Variants in AMOTL1 observed in about 807,000 individuals in gnomAD.
AMOTL1 encodes angiomotin-like protein 1.
Under a neutral mutation model 102.9 loss-of-function variants are expected in AMOTL1, and 45 were observed. The observed-to-expected ratio is 0.44, with a 90% CI of 0.34 to 0.56. The LOEUF (loss-of-function observed/expected upper bound fraction) is 0.56. Among genes scored for constraint, AMOTL1 ranks in the 20% least tolerant of loss-of-function variants. The probability of loss-of-function intolerance (pLI) is 0.01; values close to 1 mark genes in which losing one functional copy is unlikely to be tolerated. For missense variants in AMOTL1, 1,114 were observed against 1,225.6 expected, an observed-to-expected ratio of 0.91 and a Z score of 1.36; for synonymous variants, 481 against 484.7, an observed-to-expected ratio of 0.99 and a Z score of 0.10.
intron 1 of AMOTL1, among the ~76,000 whole-genome samples, chr11:94,788,297 T>C (rs1196904219): frequency 6.6e-6 from 1 of 152,244 alleles, no homozygotes; most frequent in Non-Finnish European, 1.5e-5. Context: ...AGCTCTAACA[T>C]GTTAGGAAAA....
chr11:94,768,322 C>A, upstream of AMOTL1: 1 of 1,373,204 alleles, frequency 7.3e-7, no homozygotes, highest in Middle Eastern at 2.5e-4. Context: ...CCCCGGCCCG[C>A]GCGCGGGGAG....
intron 3 of AMOTL1, among the ~76,000 whole-genome samples, chr11:94,752,560 T>C (rs966141107): frequency 6.6e-6 from 1 of 152,226 alleles, no homozygotes; most frequent in Non-Finnish European, 1.5e-5. Flanking sequence ...CAAATATGTA[T>C]AAACATTTAT....
chr11:94,801,856 G>A (rs1951484133), intron 3 of AMOTL1, among the ~76,000 whole-genome samples: 1 of 152,174 alleles, frequency 6.6e-6, no homozygotes, highest in Admixed American at 6.5e-5. Flanking sequence ...GAACAGAAAA[G>A]ACATGTGGCC....
intron 6 of AMOTL1, among the ~76,000 whole-genome samples, chr11:94,847,884 A>G (rs1952450505): frequency 6.6e-6 from 1 of 152,172 alleles, no homozygotes; most frequent in African/African-American, 2.4e-5. Context: ...TGTGGCTTCT[A>G]TTCTTGAGCT....
At chr11:94,820,145 C>T (rs1036534795) in intron 3 of AMOTL1, among the ~76,000 whole-genome samples, 1 of 152,024 alleles carries the variant, frequency 6.6e-6, no homozygotes, top group Non-Finnish European at 1.5e-5. Context: ...GTGTAGAGCC[C>T]AAAATCTAGG....
chr11:94,770,556 A>G (rs1012929270), intron 1 of AMOTL1, among the ~76,000 whole-genome samples: 1 of 152,158 alleles, frequency 6.6e-6, no homozygotes, highest in African/African-American at 2.4e-5. Flanking sequence ...GTAAACCTGC[A>G]GGTGGATAGG....
chr11:94,769,300 T>G (rs1286048559), intron 1 of AMOTL1, among the ~76,000 whole-genome samples: 1 of 152,184 alleles, frequency 6.6e-6, no homozygotes, highest in East Asian at 1.9e-4. Context: ...GGGAGAGTGG[T>G]ACGTTGGCCG....
chr11:94,796,977 C>T (rs575518518), intron 2 of AMOTL1: 16 of 985,182 alleles, frequency 1.6e-5, no homozygotes, highest in Middle Eastern at 5.2e-4. Flanking sequence ...CTGAGAAAAA[C>T]GAGCGTGGCA....
At chr11:94,868,405 G>A (rs991675802) in intron 11 of AMOTL1, among the ~76,000 whole-genome samples, 2 of 152,120 alleles carry the variant, frequency 1.3e-5, no homozygotes, top group African/African-American at 2.4e-5. Flanking sequence ...TTCCAGGAAG[G>A]CTCTGAGGAA....
At chr11:94,803,502 A>G (rs184626494) in intron 3 of AMOTL1, among the ~76,000 whole-genome samples, 1 of 152,296 alleles carries the variant, frequency 6.6e-6, no homozygotes, top group East Asian at 1.9e-4. Context: ...CTCTTGTTCT[A>G]CTATACTTTT....
At chr11:94,826,689 G>A (rs889080406) in intron 4 of AMOTL1, among the ~76,000 whole-genome samples, 8 of 152,150 alleles carry the variant, frequency 5.3e-5, no homozygotes, top group Non-Finnish European at 1.2e-4. Flanking sequence ...ATTCACAAGG[G>A]ACCCGCCCCC....
At chr11:94,782,521 A>G (rs917230324) in intron 1 of AMOTL1, among the ~76,000 whole-genome samples, 1 of 152,222 alleles carries the variant, frequency 6.6e-6, no homozygotes, top group African/African-American at 2.4e-5. Context: ...TGTTACATTC[A>G]TATGTAAAAA....
At chr11:94,731,274 A>G (rs1373653462) in intron 2 of AMOTL1, among the ~76,000 whole-genome samples, 1 of 152,216 alleles carries the variant, frequency 6.6e-6, no homozygotes, top group Non-Finnish European at 1.5e-5. Flanking sequence ...GAAGGCATCC[A>G]AGACAAAGCA....
At chr11:94,780,192 C>T (rs1377700899) in intron 1 of AMOTL1, among the ~76,000 whole-genome samples, 2 of 152,208 alleles carry the variant, frequency 1.3e-5, no homozygotes, top group South Asian at 2.1e-4. Context: ...CTCCCTCCCT[C>T]AGTAACTACC....
chr11:94,839,093 A>G (rs528642000), intron 6 of AMOTL1, among the ~76,000 whole-genome samples: 1 of 152,352 alleles, frequency 6.6e-6, no homozygotes, highest in African/African-American at 2.4e-5. Flanking sequence ...CTTCAGAACC[A>G]GAGCCCAGTA....
At position 94,859,428 on chromosome 11, in the gene AMOTL1, T is replaced by C. The variant is rs1309022822; in HGVS notation, c.1945-97T>C. 31 of 1,212,036 alleles carry C rather than the reference T, an allele frequency of 2.6e-5. 1 individual carries two copies. In the East Asian group the frequency reaches 6.7e-4, roughly 26 times the overall value. The allele number at this position is 1,212,036 out of a possible 1,614,324, so 75.1% of individuals were successfully genotyped here. A position where few individuals can be genotyped will look rare whatever the true frequency, so the allele number is the denominator to read the frequency against. ...TGAAGTAGCATGGTGTGTGAATTGC[T>C]GCAGGATCTGGGGAACCTCATGTGT... On this transcript the variant is annotated intron_variant, in intron 8 of 12. Transcript: ENST00000433060.
intron 6 of AMOTL1, among the ~76,000 whole-genome samples, chr11:94,836,258 TAGGA>T (rs1337540882): frequency 6.6e-6 from 1 of 152,210 alleles, no homozygotes; most frequent in African/African-American, 2.4e-5. Flanking sequence ...CAAGCATCAT[TAGGA>T]AGGAAGGCTA....
chr11:94,850,935 T>A (rs908872679), intron 7 of AMOTL1, among the ~76,000 whole-genome samples: 7 of 152,158 alleles, frequency 4.6e-5, no homozygotes, highest in African/African-American at 1.7e-4. Flanking sequence ...TTGTTGAATT[T>A]AAAAAAACTG....
In AMOTL1 at chr11:94,876,036, C is replaced by T. The variant is rs1208207271; in HGVS notation, c.*5241C>T. ...GCTTCTTCACAGAATTAGAATACTG[C>T]TCTCTCTATATTGAACTACATATAC... On this transcript the variant is annotated 3_prime_UTR_variant, in exon 13 of 13. Coordinates refer to ENST00000433060, the MANE Select transcript of AMOTL1 (RefSeq NM_130847.3). 1 of 152,620 alleles carries T rather than the reference C, an allele frequency of 6.6e-6. No individual in the cohort carries two copies. Among genetic ancestry groups the T allele is most frequent in the Non-Finnish European group, 1.5e-5 (1 of 68,044 alleles). The allele number at this position is 152,620 out of a possible 1,614,324, so 9.5% of individuals were successfully genotyped here. A position where few individuals can be genotyped will look rare whatever the true frequency, so the allele number is the denominator to read the frequency against.
Sources: allele counts gnomAD v4.1 joint callset (sites outside exome capture counted in the v4.1 genomes callset), GRCh38; gene constraint gnomAD v4.1.1; transcripts MANE v1.5; gene names NCBI Gene and HGNC (gene_info 2026-07-23, HGNC 2026-07-21).